The following CTNNA2 variants were observed in gnomAD, a reference collection of about 807,000 sequenced individuals.
CTNNA2 encodes the protein catenin alpha 2, also known as catenin alpha-2.
Under a neutral mutation model 101.0 loss-of-function variants are expected in CTNNA2, and 42 were observed. The ratio of observed to expected loss-of-function variants is 0.42; its 90% CI spans 0.32 to 0.54. The LOEUF is 0.54. Among genes scored for constraint, CTNNA2 ranks in the 20% least tolerant of loss-of-function variants. The pLI is 0.14. For missense variants in CTNNA2, 871 were observed against 1,223.1 expected (o/e 0.71, Z 4.29); for synonymous variants, 450 against 456.4 (o/e 0.99, Z 0.18).
chr2:80,443,284 A>G (rs1682753513), intron 9 of CTNNA2, among the ~76,000 whole-genome samples: 1 of 152,208 alleles, frequency 6.6e-6, no homozygotes, highest in South Asian at 2.1e-4. Context: ...AATGGAGAAC[A>G]AGGTGTGATT....
chr2:80,572,315 C>A (rs1304115588), intron 12 of CTNNA2, among the ~76,000 whole-genome samples: 1 of 152,076 alleles, frequency 6.6e-6, no homozygotes, highest in Non-Finnish European at 1.5e-5. Flanking sequence ...TGTACTAATT[C>A]TTTGTCAATT....
chr2:79,568,807 A>G (rs1453401723), intron 1 of CTNNA2, among the ~76,000 whole-genome samples: 1 of 142,910 alleles, frequency 7.0e-6, no homozygotes, highest in Non-Finnish European at 1.5e-5. Context: ...GGATCACCTG[A>G]GCTCAGGAGT....
chr2:80,133,515 A>C (rs1437472552), intron 7 of CTNNA2, among the ~76,000 whole-genome samples: 2 of 152,314 alleles, frequency 1.3e-5, no homozygotes, highest in Admixed American at 6.5e-5. Flanking sequence ...GCCCAAATGT[A>C]TATAGAGTAA....
At chr2:79,354,778 A>C (rs1677468892) in intron 3 of CTNNA2, among the ~76,000 whole-genome samples, 2 of 152,144 alleles carry the variant, frequency 1.3e-5, no homozygotes. Flanking sequence ...CTACTTCCTT[A>C]GGAGCTGTTC....
chr2:80,472,875 T>C (rs1317591380), intron 9 of CTNNA2, among the ~76,000 whole-genome samples: 2 of 152,114 alleles, frequency 1.3e-5, no homozygotes, highest in African/African-American at 4.8e-5. Flanking sequence ...CCTCCAGTTA[T>C]TGTCATTACA....
intron 12 of CTNNA2, among the ~76,000 whole-genome samples, chr2:80,560,077 A>G (rs1693442397): frequency 6.7e-6 from 1 of 149,744 alleles, no homozygotes. Context: ...AAAAAAGAAA[A>G]AAGCATATTT....
intron 1 of CTNNA2, among the ~76,000 whole-genome samples, chr2:79,611,127 C>T (rs1354989408): frequency 6.6e-6 from 1 of 152,096 alleles, no homozygotes; most frequent in African/African-American, 2.4e-5. Flanking sequence ...ATCATTTACT[C>T]TAAAACACAG....
chr2:79,953,158 C>G (rs188302914), intron 7 of CTNNA2, among the ~76,000 whole-genome samples: 1 of 152,140 alleles, frequency 6.6e-6, no homozygotes, highest in Non-Finnish European at 1.5e-5. Context: ...CCTTCAGAGC[C>G]CTTCTCCAAC....
intron 7 of CTNNA2, among the ~76,000 whole-genome samples, chr2:79,968,382 A>T (rs546795598): frequency 2.0e-5 from 3 of 152,178 alleles, no homozygotes; most frequent in Non-Finnish European, 4.4e-5. Flanking sequence ...TTGTTTCATT[A>T]AATAGTTTTA....
intron 3 of CTNNA2, among the ~76,000 whole-genome samples, chr2:79,765,463 A>G (rs533514679): frequency 6.6e-6 from 1 of 152,284 alleles, no homozygotes; most frequent in East Asian, 1.9e-4. Context: ...ATGCATTAAA[A>G]TCGCCTGGGG....
intron 3 of CTNNA2, among the ~76,000 whole-genome samples, chr2:79,816,683 C>T (rs1346214784): frequency 6.6e-6 from 1 of 152,196 alleles, no homozygotes; most frequent in Admixed American, 6.5e-5. Context: ...GGTAGCTCCA[C>T]ACATTGCTGC....
chr2:80,194,628 GT>G (rs2149003711), intron 7 of CTNNA2, among the ~76,000 whole-genome samples: 1 of 151,466 alleles, frequency 6.6e-6, no homozygotes, highest in East Asian at 1.9e-4. Flanking sequence ...TCTCTAGGTA[GT>G]AAAAAAAGAT....
chr2:79,223,201 C>T (rs1033930252), intron 2 of CTNNA2, among the ~76,000 whole-genome samples: 5 of 152,102 alleles, frequency 3.3e-5, no homozygotes, highest in African/African-American at 7.2e-5. Context: ...CCAGAGAGCT[C>T]TCTGTCTACT....
chr2:79,526,615 A>T (rs1672419218), intron 1 of CTNNA2, among the ~76,000 whole-genome samples: 2 of 152,154 alleles, frequency 1.3e-5, no homozygotes, highest in African/African-American at 2.4e-5. Flanking sequence ...TGGTATTGAC[A>T]TCAGCATAGG....
At chr2:79,611,416 T>G (rs1052486697) in intron 1 of CTNNA2, among the ~76,000 whole-genome samples, 10 of 152,136 alleles carry the variant, frequency 6.6e-5, no homozygotes, top group African/African-American at 2.2e-4. Context: ...TTCAGAGCTT[T>G]CGTACAATGA....
Position 79,335,909 on chromosome 2 carries a change from G to T in CTNNA2, c.-318+23113G>T, listed in dbSNP as rs558223223. ...GAGAACTCTGGTCCTTTTCCTGGGA[G>T]ATCAGATAACTTGAGAGACAGGAAG... On this transcript the variant is annotated intron_variant, in intron 3 of 21. Transcript: ENST00000466387. Among the ~76,000 whole-genome samples the T allele has an allele frequency of 1.5e-4, 23 of 152,268 alleles. No homozygotes were observed. In the South Asian group the frequency reaches 4.6e-3, roughly 30 times the overall value.
intron 2 of CTNNA2, among the ~76,000 whole-genome samples, chr2:79,693,870 A>T (rs929974782): frequency 6.6e-6 from 1 of 152,022 alleles, no homozygotes; most frequent in Admixed American, 6.6e-5. Flanking sequence ...TGAAGTAATC[A>T]TGGGGATAAA....
chr2:79,895,512 G>C (rs1684642795), intron 6 of CTNNA2, among the ~76,000 whole-genome samples: 2 of 152,134 alleles, frequency 1.3e-5, no homozygotes, highest in Admixed American at 1.3e-4. Context: ...TGAGAAATAT[G>C]AATTGACTTT....
At chr2:80,173,545 A>T (rs537414145) in intron 7 of CTNNA2, among the ~76,000 whole-genome samples, 1 of 152,296 alleles carries the variant, frequency 6.6e-6, no homozygotes, top group East Asian at 1.9e-4. Context: ...GAAGGGACAA[A>T]TTTTAAATGA....
Sources: allele counts gnomAD v4.1 joint callset (sites outside exome capture counted in the v4.1 genomes callset), GRCh38; gene constraint gnomAD v4.1.1; transcripts MANE v1.5; gene names NCBI Gene and HGNC (gene_info 2026-07-23, HGNC 2026-07-21).